The following OR5K2 variants were observed in gnomAD, a reference collection of about 807,000 sequenced individuals.
OR5K2 encodes olfactory receptor family 5 subfamily K member 2.
For synonymous variants in OR5K2, 124 were observed against 133.2 expected (o/e 0.93, Z 0.48); for missense variants, 402 against 369.8 (o/e 1.09, Z -0.71).
rs1338385331 is a variant in OR5K2, at chr3:98,497,968, A to T, written c.288A>T (p.Glu96Asp). Reference protein sequence around the residue: ...FSEGKRISLYECAVQFYFLCT... With the variant: ...FSEGKRISLYDCAVQFYFLCT... ...AGGGCAAAAGGATTTCCCTCTATGA[A>T]TGTGCAGTACAGTTTTATTTTCTTT... The change falls in exon 1 of 1, where the codon GAA (glutamate) becomes GAT (aspartate). Residue 96 changes from glutamate to aspartate, a missense_variant. Transcript: ENST00000427338. 6.2e-7 allele frequency: 1 copy of T among 1,614,114 alleles called. No homozygotes were observed. The highest frequency in any genetic ancestry group is 1.7e-5 in the Admixed American group (1 of 59,992).
In OR5K2 at chr3:98,498,044, C is replaced by T. The variant is rs755600607; in HGVS notation, c.364C>T (p.Arg122Cys). 91 of 1,613,914 alleles carry T rather than the reference C, an allele frequency of 5.6e-5. No individual in the cohort carries two copies. The highest frequency in any genetic ancestry group is 7.1e-5 in the Non-Finnish European group (84 of 1,180,000). ...CFLLAAVAYD[R>C]YVAICNPLQY... The stretch of plus-strand genomic sequence containing the variant: ...TCTTCTGGCAGCAGTGGCCTATGAC[C>T]GCTATGTGGCCATCTGCAACCCACT... The change falls in exon 1 of 1, where the codon CGC becomes TGC. Residue 122 changes from arginine (R) to cysteine (C), a missense_variant. By Grantham distance (180) the Arg-to-Cys change is radical (BLOSUM62 -3). Transcript: ENST00000427338.
At position 98,497,813 on chromosome 3, in the gene OR5K2, T is replaced by A; in HGVS notation, c.133T>A (p.Leu45Met). 1 of 1,614,104 alleles carries A rather than the reference T, an allele frequency of 6.2e-7. No homozygotes were observed. Among genetic ancestry groups the A allele is most frequent in the Non-Finnish European group, 8.5e-7 (1 of 1,179,976 alleles). ...GATCACCGTGGTGGGGAATATTAGT[T>A]TGGTGGCACTGATATTTACACACTG... ...YLITVVGNIS[L>M]VALIFTHCRL... Residue 45 changes from leucine to methionine, a missense_variant, in exon 1 of 1, where the codon TTG (leucine) becomes ATG (methionine). Coordinates refer to ENST00000427338, the MANE Select transcript of OR5K2 (RefSeq NM_001004737.1).
In OR5K2 at chr3:98,498,208, C is replaced by A. The variant is rs1182072850; in HGVS notation, c.528C>A (p.His176Gln). ...LVFCGLNHIN[H>Q]FYCDTLPLYR... is the part of the protein sequence containing the mutation. ...TCTGTGGATTGAATCACATCAACCA[C>A]TTTTACTGTGATACTCTTCCCTTGT... Residue 176 changes from histidine to glutamine, a missense_variant, in exon 1 of 1, where the codon CAC becomes CAA. Coordinates refer to ENST00000427338, the MANE Select transcript of OR5K2 (RefSeq NM_001004737.1). 1.2e-6 allele frequency: 2 copies of A among 1,614,104 alleles called. No individual in the cohort carries two copies. The highest frequency in any genetic ancestry group is 3.3e-5 in the Admixed American group (2 of 60,010).
chr3:98,498,053 G>T lies in OR5K2; in HGVS notation c.373G>T (p.Ala125Ser). 6.2e-7 allele frequency: 1 copy of T among 1,614,030 alleles called. No homozygotes were observed. The highest frequency in any genetic ancestry group is 8.5e-7 in the Non-Finnish European group (1 of 1,179,990). Reference protein sequence around the residue: ...LAAVAYDRYVAICNPLQYHIM... With the variant: ...LAAVAYDRYVSICNPLQYHIM... ...AGCAGTGGCCTATGACCGCTATGTGGCCATCTGCAACCCACTGCAGTACCA... is the reference window on the plus strand; with the variant it reads ...AGCAGTGGCCTATGACCGCTATGTGTCCATCTGCAACCCACTGCAGTACCA... The change falls in exon 1 of 1, where the codon GCC becomes TCC. Residue 125 changes from alanine to serine, a missense_variant. Physicochemically the swap from Ala to Ser is moderately conservative, Grantham distance 99 (BLOSUM62 1). Transcript: ENST00000427338.
In OR5K2 at chr3:98,498,453, T is replaced by A. The variant is rs185118426; in HGVS notation, c.773T>A (p.Leu258Gln). Residue 258 changes from leucine (L) to glutamine (Q), a missense_variant, in exon 1 of 1, where the codon CTA (leucine) becomes CAA (glutamine). By Grantham distance (113) the Leu-to-Gln change is moderately radical (BLOSUM62 -2). Transcript: ENST00000427338. ...TTATTCTATGGATCTATTTTTTTCCTATACATTAGACCAAATTTGCTTGAA... is the reference window on the plus strand; with the variant it reads ...TTATTCTATGGATCTATTTTTTTCCAATACATTAGACCAAATTTGCTTGAA... The part of the protein sequence containing the change: ...VSLFYGSIFF[L>Q]YIRPNLLEEG... The A allele has an allele frequency of 2.2e-5, 35 of 1,613,536 alleles. No individual in the cohort carries two copies. The highest frequency in any genetic ancestry group is 5.0e-5 in the Admixed American group (3 of 59,882).
At position 98,498,270 on chromosome 3, in the gene OR5K2, T is replaced by C. The variant is rs528686673; in HGVS notation, c.590T>C (p.Leu197Pro). Residue 197 changes from leucine to proline, a missense_variant, in exon 1 of 1, where the codon CTG becomes CCG. Leu to Pro is a moderately conservative substitution (Grantham distance 98, BLOSUM62 -3). Transcript: ENST00000427338. ...LSCVDPFINE[L>P]VLFIFSGSVQ... The stretch of plus-strand genomic sequence containing the variant: ...TGTGTTGACCCTTTCATCAATGAAC[T>C]GGTTCTATTCATCTTCTCAGGTTCA... 12 of 1,614,068 alleles carry C rather than the reference T, an allele frequency of 7.4e-6. No homozygotes were observed. The highest frequency in any genetic ancestry group is 2.7e-5 in the African/African-American group (2 of 75,056).
Position 98,497,815 on chromosome 3 carries a change from G to C in OR5K2, c.135G>C (p.Leu45Phe). Reference protein sequence around the residue: ...YLITVVGNISLVALIFTHCRL... With the variant: ...YLITVVGNISFVALIFTHCRL... Reference sequence around the variant, plus strand: ...TCACCGTGGTGGGGAATATTAGTTTGGTGGCACTGATATTTACACACTGTC... The same window carrying C: ...TCACCGTGGTGGGGAATATTAGTTTCGTGGCACTGATATTTACACACTGTC... The change falls in exon 1 of 1, where the codon TTG becomes TTC. Residue 45 changes from leucine to phenylalanine, a missense_variant. Transcript: ENST00000427338. The C allele has an allele frequency of 6.2e-7, 1 of 1,614,068 alleles. No homozygotes were observed. The highest frequency in any genetic ancestry group is 8.5e-7 in the Non-Finnish European group (1 of 1,179,976).
Position 98,497,922 on chromosome 3 carries a change from T to C in OR5K2, c.242T>C (p.Met81Thr). 3.7e-6 allele frequency: 6 copies of C among 1,614,100 alleles called. No individual in the cohort carries two copies. The highest frequency in any genetic ancestry group is 5.1e-6 in the Non-Finnish European group (6 of 1,179,956). ...TGTGCCTGTGCTATTACCCCCAAAA[T>C]GTTAGAGAACTTCTTTTCTGAGGGC... Reference protein sequence around the residue: ...SCCACAITPKMLENFFSEGKR... With the variant: ...SCCACAITPKTLENFFSEGKR... Residue 81 changes from methionine to threonine, a missense_variant, in exon 1 of 1, where the codon ATG (methionine) becomes ACG (threonine). Met to Thr is a moderately conservative substitution (Grantham distance 81, BLOSUM62 -1). Transcript: ENST00000427338.
In OR5K2 at chr3:98,497,791, C is replaced by T. The variant is rs761664156; in HGVS notation, c.111C>T (p.Ile37=). ...LFVVFFAIYL[I]TVVGNISLVA... ...TGGTGTTCTTTGCCATCTATCTGAT[C>T]ACCGTGGTGGGGAATATTAGTTTGG... is the stretch of plus-strand genomic sequence containing the variant. The change falls in exon 1 of 1, where the codon ATC becomes ATT. Residue 37 remains isoleucine (I), a synonymous_variant. Coordinates refer to ENST00000427338, the MANE Select transcript of OR5K2 (RefSeq NM_001004737.1). The T allele has an allele frequency of 6.2e-7, 1 of 1,614,066 alleles. No homozygotes were observed. Among genetic ancestry groups the T allele is most frequent in the South Asian group, 1.1e-5 (1 of 91,080 alleles).
At position 98,498,376 on chromosome 3, in the gene OR5K2, G is replaced by T; in HGVS notation, c.696G>T (p.Glu232Asp). ...LLTIFRMKSK[E>D]GRAKAFSTCA... The stretch of plus-strand genomic sequence containing the variant: ...CTATTTTCAGAATGAAATCCAAGGA[G>T]GGAAGGGCCAAAGCCTTTTCTACTT... Residue 232 changes from glutamate to aspartate, a missense_variant, in exon 1 of 1, where the codon GAG becomes GAT. By Grantham distance (45) the Glu-to-Asp change is conservative. Transcript: ENST00000427338. 1 of 1,613,644 alleles carries T rather than the reference G, an allele frequency of 6.2e-7. No homozygotes were observed. Among genetic ancestry groups the T allele is most frequent in the East Asian group, 2.2e-5 (1 of 44,860 alleles).
Position 98,498,161 on chromosome 3 carries a change from G to C in OR5K2, c.481G>C (p.Gly161Arg). Reference sequence around the variant, plus strand: ...AAATCTGCATTCCATGATTCATGTAGGGCTTGTATTTAGGTTAGTTTTCTG... The same window carrying C: ...AAATCTGCATTCCATGATTCATGTACGGCTTGTATTTAGGTTAGTTTTCTG... ...AGNLHSMIHVGLVFRLVFCGL... is the reference protein window; with the variant it reads ...AGNLHSMIHVRLVFRLVFCGL... Residue 161 changes from glycine to arginine, a missense_variant, in exon 1 of 1, where the codon GGG becomes CGG. Transcript: ENST00000427338. 1 of 1,614,042 alleles carries C rather than the reference G, an allele frequency of 6.2e-7. No individual in the cohort carries two copies. Among genetic ancestry groups the C allele is most frequent in the Non-Finnish European group, 8.5e-7 (1 of 1,179,962 alleles).
Sources: gnomAD v4.1 joint callset for allele counts on GRCh38, gnomAD v4.1.1 for gene constraint, MANE v1.5 for transcripts, NCBI Gene and HGNC (gene_info 2026-07-23, HGNC 2026-07-21) for gene names.